ENTPD5: variants seen among roughly 807,000 people sequenced by gnomAD.
ENTPD5 encodes nucleoside diphosphate phosphatase ENTPD5.
ENTPD5 carries 49 observed loss-of-function variants against 60.2 expected under a neutral mutation model. The observed-to-expected ratio is 0.81, with a 90% confidence interval of 0.65 to 1.03. The LOEUF is 1.03. Ranked by LOEUF, ENTPD5 falls within the 50% of genes least tolerant of loss-of-function variation. The pLI is 0.00. For synonymous variants in ENTPD5, 187 were observed against 185.4 expected, an observed-to-expected ratio of 1.01 and a Z score of -0.07; for missense variants, 480 against 507.6, an observed-to-expected ratio of 0.95 and a Z score of 0.52.
In ENTPD5 at chr14:73,971,857, CT is replaced by C. The variant is rs778449357; in HGVS notation, c.1078del (p.Arg360GlyfsTer28). ...LKVEDFERKA[R>X]EVCDNLENFT... Reference sequence around the variant, plus strand: ...GGGCTTCCCCTGACACTTACCTTCCCTGGCTTTTCTTTCAAAATCTTCAACT... The same window carrying C: ...GGGCTTCCCCTGACACTTACCTTCCCGGCTTTTCTTTCAAAATCTTCAACT... On this transcript the variant is annotated frameshift_variant, in exon 14 of 16. Transcript: ENST00000334696. LOFTEE classifies it high-confidence loss of function. 2.5e-6 allele frequency: 4 copies of C among 1,605,944 alleles called. No homozygotes were observed. The South Asian group carries it at 4.4e-5, about 18-fold the overall frequency.
downstream of ENTPD5, chr14:73,958,758 C>G (rs2056564370): frequency 6.9e-7 from 1 of 1,457,514 alleles, no homozygotes; most frequent in African/African-American, 1.4e-5. Context: ...TGGCTGGCAC[C>G]TGTTCAGTCA....
chr14:73,975,697 AC>A (rs2057412314), intron 10 of ENTPD5, among the ~76,000 whole-genome samples: 1 of 151,920 alleles, frequency 6.6e-6, no homozygotes, highest in Non-Finnish European at 1.5e-5. Context: ...AAGCCACTGC[AC>A]CCAGCCGAAA....
At position 73,975,997 on chromosome 14, in the gene ENTPD5, G is replaced by A. The variant is rs2057428058; in HGVS notation, c.661C>T (p.Pro221Ser). The A allele has an allele frequency of 6.2e-7, 1 of 1,613,438 alleles. No individual in the cohort carries two copies. Among genetic ancestry groups the A allele is most frequent in the Non-Finnish European group, 8.5e-7 (1 of 1,179,828 alleles). The change falls in exon 10 of 16, where the codon CCT (proline) becomes TCT (serine). Residue 221 changes from proline (P) to serine (S), a missense_variant. Coordinates refer to ENST00000334696, the MANE Select transcript of ENTPD5 (RefSeq NM_001249.5). Reference sequence around the variant, plus strand: ...TCAAAGGAAGTGAGGTAGCCCCTAGGAGTTTGTTCCAGAGTTTTCTGCAAA... The same window carrying A: ...TCAAAGGAAGTGAGGTAGCCCCTAGAAGTTTGTTCCAGAGTTTTCTGCAAA... ...PQFEKTLEQTPRGYLTSFEMF... is the reference protein window; with the variant it reads ...PQFEKTLEQTSRGYLTSFEMF...
chr14:73,961,719 C>G (rs1365554235), downstream of ENTPD5: 18 of 1,613,948 alleles, frequency 1.1e-5, no homozygotes, highest in Non-Finnish European at 1.5e-5. Flanking sequence ...GGGATTTAAT[C>G]TTTCCTCTGC....
intron 15 of ENTPD5, among the ~76,000 whole-genome samples, chr14:73,969,430 C>T (rs919092812): frequency 5.3e-5 from 8 of 152,142 alleles, no homozygotes; most frequent in South Asian, 2.1e-4. Context: ...CAGTGGCTCA[C>T]GCCTGTAATC....
chr14:73,983,600 C>T (rs1301924484), intron 5 of ENTPD5, among the ~76,000 whole-genome samples: 9 of 137,502 alleles, frequency 6.5e-5, no homozygotes, highest in South Asian at 2.4e-4. Context: ...CTACAGCCTG[C>T]GCAACAGAGT....
intron 2 of ENTPD5, among the ~76,000 whole-genome samples, chr14:74,011,375 T>C (rs2058841314): frequency 6.6e-6 from 1 of 152,148 alleles, no homozygotes; most frequent in South Asian, 2.1e-4. Context: ...CCTCAGCCAC[T>C]TTACCACACA....
downstream of ENTPD5, chr14:73,959,039 T>C (rs2056577604): frequency 6.2e-7 from 1 of 1,614,224 alleles, no homozygotes; most frequent in Non-Finnish European, 8.5e-7. Context: ...GCTGGAACTA[T>C]GACCAGTCTG....
chr14:74,018,903 A>G (rs556146772), intron 1 of ENTPD5: 7 of 152,742 alleles, frequency 4.6e-5, no homozygotes, highest in African/African-American at 1.7e-4. Flanking sequence ...AAAAGCCAGG[A>G]AAGAGATGCA....
chr14:73,976,986 C>A (rs1386130052), intron 8 of ENTPD5, 38 bp downstream of exon 8: 1 of 1,557,390 alleles, frequency 6.4e-7, no homozygotes, highest in Non-Finnish European at 8.8e-7. Flanking sequence ...CATGTAAAAG[C>A]TAGTTAAGCT....
chr14:73,989,488 A>G (rs2058045357), intron 3 of ENTPD5, among the ~76,000 whole-genome samples: 1 of 151,210 alleles, frequency 6.6e-6, no homozygotes. Flanking sequence ...ACCTGAGGTC[A>G]GGAGTTTGAG....
intron 15 of ENTPD5, among the ~76,000 whole-genome samples, chr14:73,969,641 T>C (rs927867690): frequency 2.6e-5 from 4 of 151,856 alleles, no homozygotes; most frequent in Non-Finnish European, 5.9e-5. Flanking sequence ...GAGGCGAAGG[T>C]TGCAGTGAGC....
At chr14:74,018,827 T>C (rs979786781) in intron 1 of ENTPD5, 1 of 152,256 alleles carries the variant, frequency 6.6e-6, no homozygotes, top group African/African-American at 2.4e-5. Flanking sequence ...CTCGACTGCC[T>C]ATCAAAAAAC....
chr14:73,955,819 C>G (rs772884853), downstream of ENTPD5: 1 of 1,614,140 alleles, frequency 6.2e-7, no homozygotes, highest in South Asian at 1.1e-5. Context: ...GGGACGCCTG[C>G]TCAGAGGCCC....
intron 13 of ENTPD5, among the ~76,000 whole-genome samples, chr14:73,972,186 G>A (rs755123854): frequency 4.6e-5 from 7 of 151,854 alleles, no homozygotes; most frequent in Non-Finnish European, 8.8e-5. Context: ...AGACCAGCCT[G>A]ACCAACATGG....
chr14:73,955,924 G>C, downstream of ENTPD5: 1 of 1,614,068 alleles, frequency 6.2e-7, no homozygotes, highest in Non-Finnish European at 8.5e-7. Flanking sequence ...TGGAGGCTGT[G>C]TCTGGTGAGG....
At chr14:73,958,557 C>G (rs891204546), downstream of ENTPD5, 2 of 1,305,244 alleles carry the variant, frequency 1.5e-6, no homozygotes, top group African/African-American at 3.0e-5. Context: ...TTCTTTCCCT[C>G]TGAGGAGTCT....
At chr14:73,998,582 G>T (rs1313756779) in intron 3 of ENTPD5, among the ~76,000 whole-genome samples, 7 of 149,584 alleles carry the variant, frequency 4.7e-5, no homozygotes, top group African/African-American at 1.7e-4. Context: ...TACTAAGTTG[G>T]AAAAAAAAAA....
intron 3 of ENTPD5, among the ~76,000 whole-genome samples, chr14:74,001,699 A>AAAAG (rs2058516402): frequency 9.3e-5 from 11 of 118,224 alleles, no homozygotes; most frequent in African/African-American, 3.2e-4. Flanking sequence ...AAAAAAAAAA[A>AAAAG]AAGCCAGGCA....
Sources: gnomAD v4.1 joint callset for allele counts (sites outside exome capture counted in the v4.1 genomes callset) on GRCh38, gnomAD v4.1.1 for gene constraint, MANE v1.5 for transcripts, NCBI Gene and HGNC (gene_info 2026-07-23, HGNC 2026-07-21) for gene names.